TRPM3: variants seen among roughly 807,000 people sequenced by gnomAD.
TRPM3 encodes the protein transient receptor potential cation channel subfamily M member 3.
Under a neutral mutation model 181.2 loss-of-function variants are expected in TRPM3, and 77 were observed. The observed-to-expected ratio is 0.42, with a 90% CI of 0.35 to 0.51. TRPM3 has a LOEUF of 0.51. Among genes scored for constraint, TRPM3 ranks in the 20% least tolerant of loss-of-function variants. TRPM3 has a pLI of 0.01. For synonymous variants in TRPM3, 745 were observed against 796.4 expected (o/e 0.94, Z 1.09); for missense variants, 1,759 against 2,196.7 (o/e 0.80, Z 3.98).
chr9:71,110,631 A>T (rs943889577), intron 1 of TRPM3, among the ~76,000 whole-genome samples: 28 of 152,142 alleles, frequency 1.8e-4, no homozygotes, highest in African/African-American at 6.5e-4. Context: ...GCCTACCCTG[A>T]TCTAACCTTA....
At chr9:71,073,172 G>A (rs1276548671) in intron 1 of TRPM3, among the ~76,000 whole-genome samples, 3 of 152,116 alleles carry the variant, frequency 2.0e-5, no homozygotes, top group Non-Finnish European at 4.4e-5. Flanking sequence ...CATAGTGCAT[G>A]AAAACAAAAA....
intron 12 of TRPM3, among the ~76,000 whole-genome samples, chr9:70,630,722 T>C (rs1235263801): frequency 1.3e-5 from 2 of 152,226 alleles, no homozygotes; most frequent in Non-Finnish European, 2.9e-5. Flanking sequence ...ATTTCATGCC[T>C]TAACAGTGGG....
At chr9:71,082,410 T>C (rs1002366209) in intron 1 of TRPM3, among the ~76,000 whole-genome samples, 7 of 152,186 alleles carry the variant, frequency 4.6e-5, no homozygotes, top group African/African-American at 1.7e-4. Flanking sequence ...TTCTGTAATG[T>C]CTTCTCATGT....
chr9:70,832,616 T>G (rs1312011245), intron 5 of TRPM3, among the ~76,000 whole-genome samples: 1 of 152,210 alleles, frequency 6.6e-6, no homozygotes, highest in Non-Finnish European at 1.5e-5. Context: ...ATGGACATCA[T>G]CATTCCCAGG....
chr9:71,304,038 T>C (rs1289196870), intron 1 of TRPM3, among the ~76,000 whole-genome samples: 1 of 152,162 alleles, frequency 6.6e-6, no homozygotes, highest in Admixed American at 6.5e-5. Flanking sequence ...GAAATTAATA[T>C]GTTAGTAACT....
chr9:70,863,274 G>A lies in TRPM3; in HGVS notation c.258-162C>T, dbSNP rs192879448. Among the ~76,000 whole-genome samples, 388 of 152,150 alleles carry A rather than the reference G, an allele frequency of 2.6e-3. 3 individuals are homozygous for A. Among genetic ancestry groups the A allele is most frequent in the Middle Eastern group, 6.8e-3 (2 of 294 alleles). On this transcript the variant is annotated intron_variant, in intron 2 of 25. Transcript: ENST00000677713. Reference sequence around the variant, plus strand: ...CTATATCAGGTATTGGTAAACTCAGGCTTTCCATGATATACATATCTTTTC... The same window carrying A: ...CTATATCAGGTATTGGTAAACTCAGACTTTCCATGATATACATATCTTTTC...
chr9:70,686,691 TTCCTTCCTTCC>T, intron 8 of TRPM3, among the ~76,000 whole-genome samples: 1 of 40,534 alleles, frequency 2.5e-5, no homozygotes, highest in Non-Finnish European at 5.2e-5. Flanking sequence ...CCTTCTTTCC[TTCCTTCCTTCC>T]TTCCTTCCTT....
At chr9:71,257,865 A>C (rs1170962956) in intron 1 of TRPM3, among the ~76,000 whole-genome samples, 3 of 152,178 alleles carry the variant, frequency 2.0e-5, no homozygotes, top group African/African-American at 4.8e-5. Context: ...TTCATCTAGA[A>C]GTCTAATTTC....
At chr9:70,761,826 A>C (rs1037377598) in intron 7 of TRPM3, 102 bp from the exon 8 acceptor site, 70 of 1,354,852 alleles carry the variant, frequency 5.2e-5, no homozygotes, top group Non-Finnish European at 6.7e-5. Context: ...GGTTTACTTT[A>C]GATAGGAGTT....
At chr9:70,603,272 G>C in intron 20 of TRPM3, 70 bp downstream of exon 20, 1 of 1,541,384 alleles carries the variant, frequency 6.5e-7, no homozygotes, top group Non-Finnish European at 8.8e-7. Flanking sequence ...GCATCTTCCT[G>C]TCCCCTCCAT....
intron 1 of TRPM3, among the ~76,000 whole-genome samples, chr9:71,046,808 T>C (rs999999589): frequency 5.9e-5 from 9 of 152,244 alleles, no homozygotes; most frequent in Non-Finnish European, 7.3e-5. Context: ...GGTATTTGTA[T>C]AGGAGAACAG....
chr9:71,265,228 C>T (rs1317838886), intron 1 of TRPM3, among the ~76,000 whole-genome samples: 1 of 152,072 alleles, frequency 6.6e-6, no homozygotes, highest in Non-Finnish European at 1.5e-5. Flanking sequence ...TTTTAAATGG[C>T]AAGAAGTTTA....
intron 1 of TRPM3, among the ~76,000 whole-genome samples, chr9:71,131,794 A>G (rs1458580708): frequency 1.3e-5 from 2 of 152,242 alleles, no homozygotes; most frequent in Non-Finnish European, 2.9e-5. Context: ...ACATCTACAT[A>G]CAGAAGAACT....
Position 70,843,096 on chromosome 9 carries a change from C to A in TRPM3, c.708G>T (p.Lys236Asn), listed in dbSNP as rs746747793. ...TTCCTCGAGACTTAGAGGCATGATC[C>A]TTCAAGGCATCGCCAACATGACGAA... ...GVIRHVGDAL[K>N]DHASKSRGKI... Residue 236 changes from lysine (K) to asparagine (N), a missense_variant, in exon 5 of 26, where the codon AAG becomes AAT. Physicochemically the swap from Lys to Asn is moderately conservative, Grantham distance 94 (BLOSUM62 0). Around this residue, in one of 8 missense-constraint regions of TRPM3, gnomAD observed 737 missense variants for 957.4 expected, o/e 0.77. Transcript: ENST00000677713. 2 of 1,611,214 alleles carry A rather than the reference C, an allele frequency of 1.2e-6. No individual in the cohort carries two copies. The highest frequency in any genetic ancestry group is 1.7e-6 in the Non-Finnish European group (2 of 1,179,266).
chr9:70,817,415 A>G (rs1253952777), intron 6 of TRPM3, among the ~76,000 whole-genome samples: 1 of 152,206 alleles, frequency 6.6e-6, no homozygotes, highest in Admixed American at 6.5e-5. Flanking sequence ...CACAGGAGTG[A>G]GGCACCCACA....
chr9:70,830,578 C>A (rs539649789), intron 5 of TRPM3, among the ~76,000 whole-genome samples: 2 of 152,164 alleles, frequency 1.3e-5, no homozygotes, highest in South Asian at 4.1e-4. Context: ...AGTTTGTCTG[C>A]TGAATAATAA....
chr9:71,318,033 T>C (rs1273916466), intron 1 of TRPM3, among the ~76,000 whole-genome samples: 1 of 152,132 alleles, frequency 6.6e-6, no homozygotes, highest in Non-Finnish European at 1.5e-5. Context: ...GAGGATTGCT[T>C]AAGGCCAGGA....
intron 22 of TRPM3, among the ~76,000 whole-genome samples, chr9:70,588,249 C>A (rs186550039): frequency 5.5e-4 from 84 of 152,112 alleles, no homozygotes; most frequent in African/African-American, 1.8e-3. Flanking sequence ...GTGTTTAGAA[C>A]AAATAACAGA....
intron 1 of TRPM3, among the ~76,000 whole-genome samples, chr9:71,431,057 T>C (rs1226699179): frequency 1.3e-5 from 2 of 152,206 alleles, no homozygotes; most frequent in Non-Finnish European, 2.9e-5. Context: ...ATTGAAGATA[T>C]AGCATATTGG....
Sources: allele counts gnomAD v4.1 joint callset (sites outside exome capture counted in the v4.1 genomes callset), GRCh38; gene constraint gnomAD v4.1.1; regional missense constraint gnomAD v4.1.1; transcripts MANE v1.5; gene names NCBI Gene and HGNC (gene_info 2026-07-23, HGNC 2026-07-21).